The following RYR2 variants were observed in gnomAD, a reference collection of about 807,000 sequenced individuals.
RYR2 encodes the protein cardiac muscle ryanodine receptor-calcium release channel.
RYR2 carries 227 observed loss-of-function variants against 601.1 expected under a neutral mutation model. The observed-to-expected ratio is 0.38, with a 90% CI of 0.34 to 0.42. The LOEUF (loss-of-function observed/expected upper bound fraction) is 0.42, where lower values mean the gene tolerates loss of function less well. Among genes scored for constraint, RYR2 ranks in the 10% least tolerant of loss-of-function variants. The pLI is 1.00. For missense variants in RYR2, 4,646 were observed against 6,156.5 expected (o/e 0.75, Z 8.21); for synonymous variants, 2,223 against 2,175.1 (o/e 1.02, Z -0.61).
At chr1:237,137,650 A>T (rs977510559) in intron 1 of RYR2, among the ~76,000 whole-genome samples, 7 of 152,236 alleles carry the variant, frequency 4.6e-5, no homozygotes, top group Non-Finnish European at 1.0e-4. Context: ...AAGATGTGCG[A>T]CGTGGCATCC....
At chr1:237,410,587 CTA>C (rs1208072120) in intron 10 of RYR2, among the ~76,000 whole-genome samples, 1 of 152,082 alleles carries the variant, frequency 6.6e-6, no homozygotes, top group Non-Finnish European at 1.5e-5. Context: ...AACATATTGT[CTA>C]TGTTTGCTTT....
In RYR2 at chr1:237,270,231, T is replaced by A. The variant is rs1439747342; in HGVS notation, c.49-266T>A. The A allele has an allele frequency of 8.6e-6, 5 of 580,202 alleles. No homozygotes were observed. The East Asian group carries it at 1.8e-4, about 21-fold the overall frequency. 35.9% of individuals were successfully genotyped at this position (580,202 alleles called of 1,614,324 possible). On this transcript the variant is annotated intron_variant, in intron 1 of 104. Transcript: ENST00000366574. Reference sequence around the variant, plus strand: ...TATTTGTTCAGGTTGCCTCTGGGGATCAGTCAGTACAGTCAGAAAACTACT... The same window carrying A: ...TATTTGTTCAGGTTGCCTCTGGGGAACAGTCAGTACAGTCAGAAAACTACT...
Position 237,491,054 on chromosome 1 carries a change from T to C in RYR2, c.1709-752T>C, listed in dbSNP as rs186331430. ...GAACACAGAGGTACACATTTAGCTT[T>C]ACAAGTTCATGCTAAAATTTCTGAT... is the stretch of plus-strand genomic sequence containing the variant. On this transcript the variant is annotated intron_variant, in intron 17 of 104. Coordinates refer to ENST00000366574, the MANE Select transcript of RYR2 (RefSeq NM_001035.3). Among the ~76,000 whole-genome samples, 453 of 152,284 alleles carry C rather than the reference T, an allele frequency of 3.0e-3. 2 individuals carry two copies. The highest frequency in any genetic ancestry group is 0.01 in the African/African-American group (433 of 41,564).
intron 1 of RYR2, among the ~76,000 whole-genome samples, chr1:237,211,772 T>C (rs1369483922): frequency 1.3e-5 from 2 of 152,222 alleles, no homozygotes; most frequent in Admixed American, 1.3e-4. Flanking sequence ...ATTGAATAAT[T>C]GTGGTGTGTA....
chr1:237,688,133 G>T (rs538962298), intron 63 of RYR2, among the ~76,000 whole-genome samples: 1 of 152,138 alleles, frequency 6.6e-6, no homozygotes, highest in Non-Finnish European at 1.5e-5. Flanking sequence ...CTCACTTTCC[G>T]CAGATTTTCC....
intron 17 of RYR2, among the ~76,000 whole-genome samples, chr1:237,488,599 A>T (rs552876701): frequency 2.6e-4 from 40 of 152,324 alleles, no homozygotes; most frequent in African/African-American, 9.4e-4. Flanking sequence ...GCAACTGAAG[A>T]TCCACAAAGG....
intron 1 of RYR2, among the ~76,000 whole-genome samples, chr1:237,185,859 T>G (rs1679284226): frequency 6.6e-6 from 1 of 152,236 alleles, no homozygotes; most frequent in Admixed American, 6.5e-5. Flanking sequence ...TTGCTGTTTT[T>G]GTACACCAAG....
intron 3 of RYR2, among the ~76,000 whole-genome samples, chr1:237,333,019 G>T (rs1245787137): frequency 1.3e-5 from 2 of 152,142 alleles, no homozygotes; most frequent in Non-Finnish European, 2.9e-5. Context: ...TTATTAGTTA[G>T]AATTTCTGGA....
rs1413584823 is a variant in RYR2 at position 237,106,635 on chromosome 1, TG to T, written c.48+64068del. 6.6e-6 allele frequency among the ~76,000 whole-genome samples: 1 copy of T among 152,094 alleles called. No homozygotes were observed. Reference sequence around the variant, plus strand: ...AGGGCTGAAACTGTCCTTGAAAAAATGGATTTCTCAGTGTGATGTGTATACA... The same window carrying T: ...AGGGCTGAAACTGTCCTTGAAAAAATGATTTCTCAGTGTGATGTGTATACA... On this transcript the variant is annotated intron_variant, in intron 1 of 104. Transcript: ENST00000366574. The surrounding 1 kb of genome is among the most constrained non-coding windows in gnomAD (Gnocchi z 4.4).
chr1:237,656,136 GTAA>G (rs543183422), intron 53 of RYR2, among the ~76,000 whole-genome samples, 152 bp downstream of exon 53: 100 of 151,954 alleles, frequency 6.6e-4, no homozygotes, highest in African/African-American at 2.4e-3. Context: ...TAAAACGATA[GTAA>G]TAATAATAAT....
intron 36 of RYR2, among the ~76,000 whole-genome samples, chr1:237,611,889 A>G (rs1332296392): frequency 6.6e-6 from 1 of 152,196 alleles, no homozygotes; most frequent in Non-Finnish European, 1.5e-5. Flanking sequence ...ATAAAATTAT[A>G]GCGTTAACAT....
At chr1:237,580,213 T>C (rs2148363062) in intron 29 of RYR2, among the ~76,000 whole-genome samples, 1 of 144,590 alleles carries the variant, frequency 6.9e-6, no homozygotes, top group Middle Eastern at 4.0e-3. Context: ...TTGAGTGCAA[T>C]GGTGTGATCG....
rs1247047478 is a variant in RYR2 at position 237,503,435 on chromosome 1, G to A, written c.2543G>A (p.Arg848His). Reference protein sequence around the residue: ...REYKQERTYTRDLLGPTVSLT... With the variant: ...REYKQERTYTHDLLGPTVSLT... ...TACAAGCAAGAAAGAACTTACACAC[G>A]CGACCTGCTGGGCCCCACAGTTTCC... The change falls in exon 22 of 105, where the codon CGC becomes CAC. Residue 848 changes from arginine (R) to histidine (H), a missense_variant. Coordinates refer to ENST00000366574, the MANE Select transcript of RYR2 (RefSeq NM_001035.3). The A allele has an allele frequency of 1.9e-6, 3 of 1,613,678 alleles. No individual in the cohort carries two copies. Among genetic ancestry groups the A allele is most frequent in the East Asian group, 2.2e-5 (1 of 44,868 alleles).
In RYR2 at chr1:237,614,754, C is replaced by T; in HGVS notation, c.5626C>T (p.Gln1876Ter). 6.2e-7 allele frequency: 1 copy of T among 1,613,588 alleles called. No individual in the cohort carries two copies. The highest frequency in any genetic ancestry group is 8.5e-7 in the Non-Finnish European group (1 of 1,179,570). Reference sequence around the variant, plus strand: ...GCTCAGTGTGGACGATGCAAAGCTGCAAGGAGCTGGTGAGGAAGAAGCCAA... The same window carrying T: ...GCTCAGTGTGGACGATGCAAAGCTGTAAGGAGCTGGTGAGGAAGAAGCCAA... Reference protein sequence around the residue: ...KELSVDDAKLQGAGEEEAKGG... With the variant: ...KELSVDDAKL Residue 1876 changes from glutamine (Q) to a stop codon, truncating the protein, a stop_gained, in exon 37 of 105, where the codon CAA becomes TAA. Coordinates refer to ENST00000366574, the MANE Select transcript of RYR2 (RefSeq NM_001035.3). LOFTEE classifies it high-confidence loss of function. This position sits in a 1 kb window ranked among gnomAD's most constrained non-coding sequence, Gnocchi z 4.3.
chr1:237,795,488 G>C (rs1381737741), intron 96 of RYR2, among the ~76,000 whole-genome samples, 157 bp downstream of exon 96: 1 of 150,162 alleles, frequency 6.7e-6, no homozygotes, highest in Non-Finnish European at 1.5e-5. Context: ...GTCTCACTCC[G>C]TCACCCAGGC....
intron 1 of RYR2, among the ~76,000 whole-genome samples, chr1:237,091,021 C>A (rs928132733): frequency 6.6e-6 from 1 of 152,074 alleles, no homozygotes; most frequent in African/African-American, 2.4e-5. Context: ...ATTTTTGGAA[C>A]GACTTTCACA....
chr1:237,648,401 T>C, intron 48 of RYR2, 43 bp from the exon 49 acceptor site: 1 of 1,532,738 alleles, frequency 6.5e-7, no homozygotes, highest in Non-Finnish European at 8.8e-7. Flanking sequence ...CTATCCTGTA[T>C]ATGACACAGC....
At chr1:237,416,759 C>CAGAGAGAG (rs5781955) in intron 10 of RYR2, among the ~76,000 whole-genome samples, 20 of 138,916 alleles carry the variant, frequency 1.4e-4, no homozygotes, top group African/African-American at 4.5e-4. Context: ...AACACACACA[C>CAGAGAGAG]ACACAGAGAG....
chr1:237,222,713 A>G (rs142872237), intron 1 of RYR2, among the ~76,000 whole-genome samples: 36 of 152,284 alleles, frequency 2.4e-4, no homozygotes, highest in African/African-American at 8.4e-4. Context: ...CTAGTAGTCC[A>G]GTAGTACCGG....
Sources: gnomAD v4.1 joint callset for allele counts (sites outside exome capture counted in the v4.1 genomes callset) on GRCh38, gnomAD v4.1.1 for gene constraint, Gnocchi (gnomAD v3.1) non-coding constraint, MANE v1.5 for transcripts, NCBI Gene and HGNC (gene_info 2026-07-23, HGNC 2026-07-21) for gene names.